ADGRV1: variants seen among roughly 807,000 people sequenced by gnomAD.
ADGRV1 encodes the protein G-protein coupled receptor 98.
Under a neutral mutation model 596.2 loss-of-function variants are expected in ADGRV1, and 359 were observed. That is an observed-to-expected ratio of 0.60 (90% CI 0.55 to 0.66). ADGRV1 has a LOEUF of 0.66. Ranked by LOEUF, ADGRV1 falls within the 30% of genes least tolerant of loss-of-function variation. The pLI is 0.00. For synonymous variants in ADGRV1, 2,681 were observed against 2,679.2 expected (o/e 1.00, Z -0.02); for missense variants, 7,274 against 7,575.6 (o/e 0.96, Z 1.48).
intron 77 of ADGRV1, among the ~76,000 whole-genome samples, chr5:90,831,436 G>C (rs1396621396): frequency 6.6e-6 from 1 of 151,750 alleles, no homozygotes; most frequent in African/African-American, 2.4e-5. Flanking sequence ...ATTTTTGTAG[G>C]TACATAGTAG....
In ADGRV1 at chr5:90,564,700, C is replaced by T. The variant is rs1363493059; in HGVS notation, c.22+5783C>T. 1.0e-4 allele frequency among the ~76,000 whole-genome samples: 3 copies of T among 29,362 alleles called. 1 individual carries two copies. The highest frequency in any genetic ancestry group is 2.0e-4 in the Non-Finnish European group (3 of 14,638). The allele number at this position is 29,362 out of a possible 152,430, so 19.3% of individuals were successfully genotyped here. A position where few individuals can be genotyped will look rare whatever the true frequency, so the allele number is the denominator to read the frequency against. On this transcript the variant is annotated intron_variant, in intron 1 of 89. Coordinates refer to ENST00000405460, the MANE Select transcript of ADGRV1 (RefSeq NM_032119.4). ...GGAGTGCAGTGGCGCGATCTCGGCT[C>T]ACTGCAAGCTCCGCCTCCCGGGTTC...
intron 85 of ADGRV1, among the ~76,000 whole-genome samples, chr5:91,018,920 T>C (rs1413235018): frequency 6.6e-6 from 1 of 151,972 alleles, no homozygotes; most frequent in African/African-American, 2.4e-5. Flanking sequence ...GTTGAGCCGG[T>C]GTTATAGAAA....
chr5:91,133,056 G>A (rs1386391679), intron 87 of ADGRV1, among the ~76,000 whole-genome samples: 2 of 152,182 alleles, frequency 1.3e-5, no homozygotes, highest in Non-Finnish European at 2.9e-5. Flanking sequence ...AGACTAGGGA[G>A]TGAGCTGATA....
chr5:91,069,300 G>A (rs984113119), intron 85 of ADGRV1, among the ~76,000 whole-genome samples: 4 of 151,676 alleles, frequency 2.6e-5, no homozygotes, highest in Middle Eastern at 3.4e-3. Flanking sequence ...AAATTGACAA[G>A]TATCAACAGA....
chr5:90,739,762 C>A (rs1174804787), intron 50 of ADGRV1, among the ~76,000 whole-genome samples: 1 of 152,140 alleles, frequency 6.6e-6, no homozygotes, highest in African/African-American at 2.4e-5. Flanking sequence ...GGTGAGGTGT[C>A]TAGATTGCTA....
intron 50 of ADGRV1, among the ~76,000 whole-genome samples, chr5:90,733,137 A>G (rs1752766235): frequency 6.6e-6 from 1 of 152,244 alleles, no homozygotes; most frequent in Non-Finnish European, 1.5e-5. Context: ...AGAAATTAGA[A>G]ATGAAAATCC....
intron 85 of ADGRV1, among the ~76,000 whole-genome samples, chr5:91,024,912 T>G (rs1783903249): frequency 6.6e-6 from 1 of 152,184 alleles, no homozygotes; most frequent in East Asian, 1.9e-4. Context: ...CGCAGAATGG[T>G]GTTCATAGCC....
At chr5:90,879,343 A>G (rs1769528704) in intron 83 of ADGRV1, among the ~76,000 whole-genome samples, 1 of 152,236 alleles carries the variant, frequency 6.6e-6, no homozygotes, top group Admixed American at 6.5e-5. Context: ...AAGTATCAGT[A>G]CACAGGGTGA....
chr5:90,859,901 G>A (rs1767378260), intron 82 of ADGRV1, among the ~76,000 whole-genome samples: 3 of 149,228 alleles, frequency 2.0e-5, no homozygotes, highest in Admixed American at 6.7e-5. Context: ...GCAACATAGC[G>A]AGACCCTGTC....
intron 62 of ADGRV1, 128 bp downstream of exon 62, chr5:90,778,171 G>T (rs1758451022): frequency 9.1e-7 from 1 of 1,097,056 alleles, no homozygotes; most frequent in Non-Finnish European, 1.3e-6. Context: ...TGGGGAGGAG[G>T]TAAATATTAC....
At chr5:91,162,313 A>G in intron 89 of ADGRV1, among the ~76,000 whole-genome samples, 1 of 152,152 alleles carries the variant, frequency 6.6e-6, no homozygotes, top group Non-Finnish European at 1.5e-5. Context: ...GAGAATCATC[A>G]TGTTTCAAGG....
At chr5:90,572,251 G>A (rs1756624251) in intron 1 of ADGRV1, among the ~76,000 whole-genome samples, 1 of 152,118 alleles carries the variant, frequency 6.6e-6, no homozygotes. Flanking sequence ...CTTGTTTTGG[G>A]TAGCAGCAAA....
At chr5:90,585,885 A>G (rs1485793292) in intron 1 of ADGRV1, among the ~76,000 whole-genome samples, 1 of 152,192 alleles carries the variant, frequency 6.6e-6, no homozygotes, top group Middle Eastern at 3.2e-3. Context: ...CTCAGTTCTG[A>G]TCTTATTCAA....
intron 1 of ADGRV1, among the ~76,000 whole-genome samples, chr5:90,601,737 A>G (rs1301239838): frequency 6.6e-6 from 1 of 152,108 alleles, no homozygotes; most frequent in Non-Finnish European, 1.5e-5. Flanking sequence ...GCTCTGCTGC[A>G]TTTTTTTCAG....
At chr5:91,060,398 A>ATATATATTT (rs796332430) in intron 85 of ADGRV1, among the ~76,000 whole-genome samples, 23 of 60,462 alleles carry the variant, frequency 3.8e-4, no homozygotes, top group African/African-American at 1.0e-3. Flanking sequence ...ATATATATAT[A>ATATATATTT]TTTTTTTTTT....
chr5:90,956,337 C>A (rs563684467), intron 83 of ADGRV1, among the ~76,000 whole-genome samples: 4 of 152,198 alleles, frequency 2.6e-5, no homozygotes, highest in Non-Finnish European at 4.4e-5. Context: ...GGTTTTGTCA[C>A]AAGTTAATTG....
At chr5:91,017,099 G>T (rs1166768719) in intron 85 of ADGRV1, among the ~76,000 whole-genome samples, 2 of 151,926 alleles carry the variant, frequency 1.3e-5, no homozygotes, top group Admixed American at 1.3e-4. Context: ...CTTACTACAA[G>T]CATGGCTTTC....
intron 84 of ADGRV1, among the ~76,000 whole-genome samples, chr5:90,971,272 C>T (rs1778952977): frequency 6.6e-6 from 1 of 152,208 alleles, no homozygotes; most frequent in African/African-American, 2.4e-5. Context: ...TTGGAAAACA[C>T]TTTGCAGGAT....
intron 52 of ADGRV1, among the ~76,000 whole-genome samples, 184 bp downstream of exon 52, chr5:90,745,979 C>T (rs957529624): frequency 6.6e-6 from 1 of 152,124 alleles, no homozygotes; most frequent in Non-Finnish European, 1.5e-5. Context: ...TTGCAATTTA[C>T]AGTCTTACAC....
Sources: gnomAD v4.1 joint callset for allele counts (sites outside exome capture counted in the v4.1 genomes callset) on GRCh38, gnomAD v4.1.1 for gene constraint, MANE v1.5 for transcripts, NCBI Gene and HGNC (gene_info 2026-07-23, HGNC 2026-07-21) for gene names.